Variants in KNTC1 observed in about 807,000 individuals in gnomAD.
KNTC1 encodes kinetochore associated 1.
Under a neutral mutation model 314.4 loss-of-function variants are expected in KNTC1, and 253 were observed. The ratio of observed to expected loss-of-function variants is 0.80; its 90% CI spans 0.73 to 0.89. The LOEUF is 0.89. KNTC1 is among the 40% of genes least tolerant of loss of function. The probability of loss-of-function intolerance (pLI) is 0.00; values close to 1 mark genes in which losing one functional copy is unlikely to be tolerated. For missense variants in KNTC1, 2,475 were observed against 2,572.9 expected (o/e 0.96, Z 0.82); for synonymous variants, 901 against 901.4 (o/e 1.00, Z 0.01).
chr12:122,538,104 C>T (rs1219897432), intron 3 of KNTC1, among the ~76,000 whole-genome samples: 1 of 152,150 alleles, frequency 6.6e-6, no homozygotes, highest in Non-Finnish European at 1.5e-5. Context: ...TACCACTGCA[C>T]TCCAGCCTGG....
At chr12:122,611,006 G>C (rs1873059844) in intron 53 of KNTC1, 106 bp downstream of exon 53, 1 of 785,228 alleles carries the variant, frequency 1.3e-6, no homozygotes. Context: ...TTCAGATAAT[G>C]CTCACGTACA....
chr12:122,549,777 CA>C lies in KNTC1; in HGVS notation c.1000del (p.Met334TrpfsTer35). 1 of 1,502,506 alleles carries C rather than the reference CA, an allele frequency of 6.7e-7. No individual in the cohort carries two copies. Among genetic ancestry groups the C allele is most frequent in the Non-Finnish European group, 9.1e-7 (1 of 1,094,712 alleles). 93.1% of individuals were successfully genotyped at this position (1,502,506 alleles called of 1,614,324 possible). A position where few individuals can be genotyped will look rare whatever the true frequency, so the allele number is the denominator to read the frequency against. On this transcript the variant is annotated frameshift_variant, in exon 13 of 64. Coordinates refer to ENST00000333479, the MANE Select transcript of KNTC1 (RefSeq NM_014708.6). LOFTEE classifies it high-confidence loss of function. ...GCTATTTTTCTTAGATGAAAAACCT[CA>C]TGGTTTATTCATTACCTACAATGGA... ...ASANKKMKNL[M>X]VYSLPTMEIL...
At chr12:122,615,211 A>G in intron 56 of KNTC1, 125 bp downstream of exon 56, 1 of 785,942 alleles carries the variant, frequency 1.3e-6, no homozygotes, top group South Asian at 1.9e-5. Context: ...ACTCTCACTG[A>G]GCTCATGCCA....
chr12:122,624,299 T>C (rs943611975), intron 62 of KNTC1, among the ~76,000 whole-genome samples: 1 of 152,062 alleles, frequency 6.6e-6, no homozygotes, highest in Non-Finnish European at 1.5e-5. Flanking sequence ...AATAGGGTCT[T>C]GCTTTGTCAC....
chr12:122,559,262 C>T (rs79897940), intron 18 of KNTC1, among the ~76,000 whole-genome samples: 11,514 of 152,020 alleles, frequency 0.076, 571 homozygotes, highest in Middle Eastern at 0.13. Context: ...GGAAGGTAAT[C>T]GCTTCAACCT....
intron 3 of KNTC1, 54 bp from the exon 4 acceptor site, chr12:122,538,285 A>G: frequency 2.9e-6 from 3 of 1,032,108 alleles, no homozygotes; most frequent in South Asian, 3.0e-5. Flanking sequence ...TTTTTTTTGT[A>G]TTGAAAATAA....
At chr12:122,602,267 G>A (rs1471788470) in intron 45 of KNTC1, 1 of 204,652 alleles carries the variant, frequency 4.9e-6, no homozygotes, top group Non-Finnish European at 9.6e-6. Flanking sequence ...ATGAAATCAA[G>A]TATTTTGAAT....
chr12:122,622,348 T>C (rs1198023841), intron 61 of KNTC1, 114 bp from the exon 62 acceptor site: 9 of 1,003,236 alleles, frequency 9.0e-6, no homozygotes, highest in Non-Finnish European at 1.2e-5. Context: ...GGGCTTCCGA[T>C]TGTCAGAAAT....
intron 18 of KNTC1, among the ~76,000 whole-genome samples, chr12:122,560,271 G>T (rs569326884): frequency 1.6e-4 from 25 of 152,216 alleles, no homozygotes; most frequent in Non-Finnish European, 3.7e-4. Flanking sequence ...TTGCTGCTGT[G>T]AATAATTCTG....
Position 122,546,247 on chromosome 12 carries a change from T to C in KNTC1, c.741T>C (p.Leu247=). 1 of 1,585,522 alleles carries C rather than the reference T, an allele frequency of 6.3e-7. No homozygotes were observed. Among genetic ancestry groups the C allele is most frequent in the Non-Finnish European group, 8.7e-7 (1 of 1,154,580 alleles). ...AGAAAGGAATGACAGTTAAGAACCTTATTGATGCAGAGATTATTAAAGGTA... is the reference window on the plus strand; with the variant it reads ...AGAAAGGAATGACAGTTAAGAACCTCATTGATGCAGAGATTATTAAAGGTA... The part of the protein sequence containing the change: ...SSKKGMTVKN[L]IDAEIIKGAK... The change falls in exon 9 of 64, where the codon CTT becomes CTC. Residue 247 remains leucine, a synonymous_variant. Coordinates refer to ENST00000333479, the MANE Select transcript of KNTC1 (RefSeq NM_014708.6).
chr12:122,626,185 C>A lies in KNTC1; in HGVS notation c.6607-20C>A. The A allele has an allele frequency of 6.4e-7, 1 of 1,551,702 alleles. No individual in the cohort carries two copies. Among genetic ancestry groups the A allele is most frequent in the Non-Finnish European group, 8.8e-7 (1 of 1,132,552 alleles). The stretch of plus-strand genomic sequence containing the variant: ...ACTAAGTGACTTATAAAAATCACTT[C>A]TGTGTTTCTTCCCATTTAGATGTTT... On this transcript the variant is annotated intron_variant, in intron 63 of 63. Coordinates refer to ENST00000333479, the MANE Select transcript of KNTC1 (RefSeq NM_014708.6).
intron 2 of KNTC1, 146 bp downstream of exon 2, chr12:122,530,338 G>A (rs1012748563): frequency 6.6e-5 from 44 of 663,836 alleles, no homozygotes; most frequent in African/African-American, 1.3e-4. Context: ...AGAAATTCAC[G>A]TCTGAATACC....
At chr12:122,549,003 G>A (rs552718061) in intron 12 of KNTC1, among the ~76,000 whole-genome samples, 80 of 152,168 alleles carry the variant, frequency 5.3e-4, no homozygotes, top group African/African-American at 1.8e-3. Context: ...TACGGTAACA[G>A]ACTTACTTAT....
chr12:122,576,247 T>G (rs1384994526), intron 29 of KNTC1, among the ~76,000 whole-genome samples: 1 of 152,062 alleles, frequency 6.6e-6, no homozygotes, highest in Non-Finnish European at 1.5e-5. Flanking sequence ...GTATTTTTAG[T>G]AGAGATGGGG....
At chr12:122,608,698 A>G (rs1480921915) in intron 51 of KNTC1, among the ~76,000 whole-genome samples, 1 of 152,210 alleles carries the variant, frequency 6.6e-6, no homozygotes, top group East Asian at 1.9e-4. Context: ...TGTAAATCCC[A>G]ACAGATATAT....
chr12:122,578,483 C>T (rs141704799), intron 31 of KNTC1, among the ~76,000 whole-genome samples: 305 of 152,004 alleles, frequency 2.0e-3, no homozygotes, highest in Non-Finnish European at 3.5e-3. Flanking sequence ...AGCACAGTGG[C>T]GCGATCTTAA....
At position 122,575,451 on chromosome 12, in the gene KNTC1, TGA is replaced by T. The variant is rs1964950471; in HGVS notation, c.2383-91_2383-90del. 29 of 777,834 alleles carry T rather than the reference TGA, an allele frequency of 3.7e-5. No individual in the cohort carries two copies. The East Asian group carries it at 7.8e-4, about 21-fold the overall frequency. The allele number at this position is 777,834 out of a possible 1,614,324, so 48.2% of individuals were successfully genotyped here. On this transcript the variant is annotated intron_variant, in intron 27 of 63. Coordinates refer to ENST00000333479, the MANE Select transcript of KNTC1 (RefSeq NM_014708.6). ...AAATATTCTCAAACTACCATGTGGT[TGA>T]TGTAAGACCTGCTGATTAGACTGTG... is the stretch of plus-strand genomic sequence containing the variant.
At chr12:122,567,899 G>T (rs1964450252) in intron 20 of KNTC1, among the ~76,000 whole-genome samples, 1 of 152,138 alleles carries the variant, frequency 6.6e-6, no homozygotes, top group Non-Finnish European at 1.5e-5. Flanking sequence ...TGCTGAGGTG[G>T]CAGGATTGCT....
At chr12:122,603,824 T>G (rs756936090) in intron 48 of KNTC1, among the ~76,000 whole-genome samples, 1 of 152,178 alleles carries the variant, frequency 6.6e-6, no homozygotes, top group African/African-American at 2.4e-5. Context: ...CTTTAGATAG[T>G]CTCACATAAC....
Sources: gnomAD v4.1 joint callset for allele counts (sites outside exome capture counted in the v4.1 genomes callset) on GRCh38, gnomAD v4.1.1 for gene constraint, MANE v1.5 for transcripts, NCBI Gene and HGNC (gene_info 2026-07-23, HGNC 2026-07-21) for gene names.